FBXL17: variants seen among roughly 807,000 people sequenced by gnomAD.
The protein encoded by FBXL17 is F-box/LRR-repeat protein 17.
A neutral mutation model predicts 66.2 loss-of-function variants in FBXL17; 22 were observed. The ratio of observed to expected loss-of-function variants is 0.33; its 90% CI spans 0.24 to 0.47. The LOEUF is 0.47. Among genes scored for constraint, FBXL17 ranks in the 20% least tolerant of loss-of-function variants. The probability of loss-of-function intolerance (pLI) is 1.00; values close to 1 mark genes in which losing one functional copy is unlikely to be tolerated. For missense variants in FBXL17, 878 were observed against 948.2 expected (o/e 0.93, Z 0.97); for synonymous variants, 474 against 400.5 (o/e 1.18, Z -2.19).
At position 108,138,834 on chromosome 5, in the gene FBXL17, T is replaced by G. The variant is rs183032520; in HGVS notation, c.1745+47283A>C. Among the ~76,000 whole-genome samples, 225 of 152,190 alleles carry G rather than the reference T, an allele frequency of 1.5e-3. 1 individual carries two copies. Among genetic ancestry groups the G allele is most frequent in the African/African-American group, 5.2e-3 (218 of 41,532 alleles). ...TGGTAAGTGCAATATGGACAAAATA[T>G]GAAAAAGAGGCATAAAGAGGAGATC... On this transcript the variant is annotated intron_variant, in intron 6 of 8. Transcript: ENST00000542267.
chr5:108,125,387 A>C (rs150382490), intron 6 of FBXL17, among the ~76,000 whole-genome samples: 4 of 152,184 alleles, frequency 2.6e-5, no homozygotes, highest in Middle Eastern at 3.4e-3. Flanking sequence ...AAGCTACATA[A>C]AAATAAACTT....
At chr5:108,203,124 T>C (rs2966828) in intron 5 of FBXL17, among the ~76,000 whole-genome samples, 118,401 of 152,034 alleles carry the variant, frequency 0.78, 46,858 homozygotes, top group East Asian at 0.93. Flanking sequence ...AACATAAGTA[T>C]GTCAGGACTA....
Position 108,020,311 on chromosome 5 carries a change from G to A in FBXL17, c.1822+614C>T, listed in dbSNP as rs142385343. Among the ~76,000 whole-genome samples, 956 of 151,900 alleles carry A rather than the reference G, an allele frequency of 6.3e-3. 10 individuals carry two copies. Among genetic ancestry groups the A allele is most frequent in the African/African-American group, 0.022 (924 of 41,526 alleles). On this transcript the variant is annotated intron_variant, in intron 7 of 8. Coordinates refer to ENST00000542267, the MANE Select transcript of FBXL17 (RefSeq NM_001163315.3). ...AAATTAAACAAAAAAGGAAGGGCTA[G>A]GTTATTTTTCTTTATTACTGCGACA... is the stretch of plus-strand genomic sequence containing the variant.
intron 7 of FBXL17, among the ~76,000 whole-genome samples, chr5:107,922,546 A>C (rs1750359554): frequency 2.0e-5 from 3 of 152,170 alleles, no homozygotes; most frequent in Admixed American, 2.0e-4. Context: ...GCAATTGACT[A>C]TCAGTGTAGC....
At chr5:108,149,386 TTC>T (rs1202049459) in intron 6 of FBXL17, among the ~76,000 whole-genome samples, 1 of 152,236 alleles carries the variant, frequency 6.6e-6, no homozygotes, top group Non-Finnish European at 1.5e-5. Context: ...TAGCTACAAA[TTC>T]TTTCCTTCAA....
rs201752049 is a variant in FBXL17 at position 107,871,057 on chromosome 5, CAAAAAAAAAA to C, written c.1966-9207_1966-9198del. Among the ~76,000 whole-genome samples the C allele has an allele frequency of 9.1e-5, 6 of 65,890 alleles. No individual in the cohort carries two copies. The Admixed American group carries it at 1.0e-3, about 11-fold the overall frequency. 43.2% of individuals were successfully genotyped at this position (65,890 alleles called of 152,430 possible). A position where few individuals can be genotyped will look rare whatever the true frequency, so the allele number is the denominator to read the frequency against. On this transcript the variant is annotated intron_variant, in intron 8 of 8. Transcript: ENST00000542267. ...GGTAAGAAATATTACTCTTGGGCGGCAAAAAAAAAAAAAAAAAAAAAACCTCATCTAAAAA... is the reference window on the plus strand; with the variant it reads ...GGTAAGAAATATTACTCTTGGGCGGCAAAAAAAAAAAACCTCATCTAAAAA...
chr5:108,240,151 G>A lies in FBXL17; in HGVS notation c.1507-15923C>T, dbSNP rs138773246. Among the ~76,000 whole-genome samples the A allele has an allele frequency of 7.8e-3, 1,185 of 152,018 alleles. 15 individuals carry two copies. Among genetic ancestry groups the A allele is most frequent in the Middle Eastern group, 0.031 (9 of 294 alleles). On this transcript the variant is annotated intron_variant, in intron 4 of 8. Coordinates refer to ENST00000542267, the MANE Select transcript of FBXL17 (RefSeq NM_001163315.3). ...CATTCCTAGCTGTTGTGGCTATAGG[G>A]AAAAAAACTCCTTCTACTTGAGAAA...
chr5:108,083,650 C>T (rs1212724495), intron 6 of FBXL17, among the ~76,000 whole-genome samples: 2 of 151,824 alleles, frequency 1.3e-5, no homozygotes, highest in African/African-American at 4.8e-5. Flanking sequence ...TTAAACAATC[C>T]ACCTGCCTTG....
rs869121042 is a variant in FBXL17 at position 108,168,181 on chromosome 5, CA to C, written c.1745+17935del. ...TCCAATTGCCCTTAAAATAGAAAGT[CA>C]AAAGTTGTTGATTTTCCCACTTTGC... On this transcript the variant is annotated intron_variant, in intron 6 of 8. Coordinates refer to ENST00000542267, the MANE Select transcript of FBXL17 (RefSeq NM_001163315.3). Among the ~76,000 whole-genome samples, 25 of 85,390 alleles carry C rather than the reference CA, an allele frequency of 2.9e-4. 1 individual carries two copies. The East Asian group carries it at 7.9e-3, about 27-fold the overall frequency. 56.0% of individuals were successfully genotyped at this position (85,390 alleles called of 152,430 possible).
At chr5:108,312,914 G>T (rs1298015025) in intron 4 of FBXL17, among the ~76,000 whole-genome samples, 1 of 151,976 alleles carries the variant, frequency 6.6e-6, no homozygotes, top group African/African-American at 2.4e-5. Context: ...CTATTTTTAG[G>T]TTAGACTGAA....
chr5:108,325,097 A>C (rs1227670675), intron 4 of FBXL17, among the ~76,000 whole-genome samples: 1 of 152,100 alleles, frequency 6.6e-6, no homozygotes, highest in Non-Finnish European at 1.5e-5. Context: ...TTGCAAGATA[A>C]CGAGAGTTTT....
At chr5:107,951,160 T>A (rs1272299473) in intron 7 of FBXL17, among the ~76,000 whole-genome samples, 1 of 152,166 alleles carries the variant, frequency 6.6e-6, no homozygotes, top group Non-Finnish European at 1.5e-5. Flanking sequence ...CATTACTGGC[T>A]CAGTCTCAGG....
intron 6 of FBXL17, among the ~76,000 whole-genome samples, chr5:108,029,764 C>A (rs1339089025): frequency 6.6e-6 from 1 of 151,548 alleles, no homozygotes; most frequent in East Asian, 1.9e-4. Context: ...AGGAAGATAG[C>A]TGATTTTGGT....
At chr5:108,071,309 G>A (rs1580401831) in intron 6 of FBXL17, among the ~76,000 whole-genome samples, 2 of 152,294 alleles carry the variant, frequency 1.3e-5, no homozygotes, top group East Asian at 3.9e-4. Flanking sequence ...TAAGGCATTG[G>A]AGCATAATCT....
At chr5:107,998,952 A>G (rs1753598040) in intron 7 of FBXL17, among the ~76,000 whole-genome samples, 1 of 152,170 alleles carries the variant, frequency 6.6e-6, no homozygotes, top group Non-Finnish European at 1.5e-5. Flanking sequence ...TCCACCATAC[A>G]GTCTAAATAC....
chr5:107,947,007 A>C (rs1751329865), intron 7 of FBXL17, among the ~76,000 whole-genome samples: 1 of 152,172 alleles, frequency 6.6e-6, no homozygotes, highest in Non-Finnish European at 1.5e-5. Flanking sequence ...ATAATTAAAA[A>C]AGAAAGCCCT....
At chr5:108,126,388 T>A (rs562513399) in intron 6 of FBXL17, among the ~76,000 whole-genome samples, 8 of 152,188 alleles carry the variant, frequency 5.3e-5, no homozygotes, top group African/African-American at 1.9e-4. Flanking sequence ...TAAACCACTA[T>A]GCATTTTTTT....
intron 4 of FBXL17, among the ~76,000 whole-genome samples, chr5:108,318,179 C>T (rs181767781): frequency 3.2e-4 from 49 of 151,714 alleles, no homozygotes; most frequent in African/African-American, 7.2e-4. Flanking sequence ...TCTTAATCAT[C>T]GACAGCCAGT....
At chr5:107,985,049 A>C (rs1752966557) in intron 7 of FBXL17, among the ~76,000 whole-genome samples, 1 of 152,178 alleles carries the variant, frequency 6.6e-6, no homozygotes, top group Admixed American at 6.5e-5. Flanking sequence ...GGAAGTTTGA[A>C]AATGTCAAGT....
Sources: allele counts gnomAD v4.1 joint callset (sites outside exome capture counted in the v4.1 genomes callset), GRCh38; gene constraint gnomAD v4.1.1; transcripts MANE v1.5; gene names NCBI Gene and HGNC (gene_info 2026-07-23, HGNC 2026-07-21).